The following MARCHF1 variants were observed in gnomAD, a reference collection of about 807,000 sequenced individuals.
MARCHF1 encodes E3 ubiquitin-protein ligase MARCHF1.
MARCHF1 carries 40 observed loss-of-function variants against 54.2 expected under a neutral mutation model. That is an observed-to-expected ratio of 0.74 (90% CI 0.57 to 0.96). MARCHF1 has a LOEUF of 0.96. Among genes scored for constraint, MARCHF1 ranks in the 40% least tolerant of loss-of-function variants. MARCHF1 has a pLI of 0.00. For missense variants in MARCHF1, 586 were observed against 656.5 expected (o/e 0.89, Z 1.17); for synonymous variants, 236 against 236.3 (o/e 1.00, Z 0.01).
At chr4:163,642,969 G>A (rs1742605894) in intron 5 of MARCHF1, among the ~76,000 whole-genome samples, 1 of 151,588 alleles carries the variant, frequency 6.6e-6, no homozygotes, top group African/African-American at 2.4e-5. Context: ...ATATGTGTAT[G>A]TGTGTGTGTA....
chr4:163,607,103 G>A (rs566283569), intron 7 of MARCHF1, among the ~76,000 whole-genome samples: 4 of 152,070 alleles, frequency 2.6e-5, no homozygotes, highest in Non-Finnish European at 5.9e-5. Context: ...GAGAGTGAGA[G>A]AACCACATTG....
rs3832318 is a variant in MARCHF1 at position 163,528,325 on chromosome 4, G to GTTA, written c.*420_*422dup. On this transcript the variant is annotated 3_prime_UTR_variant, in exon 10 of 10. Coordinates refer to ENST00000514618, the MANE Select transcript of MARCHF1 (RefSeq NM_001394959.1). ...TTCAGGCTTAAAACCAAATATGTTAGTTATTTCCAGATGAGACAGTTAACA... is the reference window on the plus strand; with the variant it reads ...TTCAGGCTTAAAACCAAATATGTTAGTTATTATTTCCAGATGAGACAGTTAACA... 87,467 of 156,614 alleles carry GTTA rather than the reference G, an allele frequency of 0.56. 25,190 individuals carry two copies. The highest frequency in any genetic ancestry group is 0.69 in the Admixed American group (10,925 of 15,742). The allele number at this position is 156,614 out of a possible 1,614,324, so 9.7% of individuals were successfully genotyped here.
In MARCHF1 at chr4:164,172,431, G is replaced by T. The variant is rs191670599; in HGVS notation, c.-322-60769C>A. 3.2e-3 allele frequency among the ~76,000 whole-genome samples: 487 copies of T among 151,986 alleles called. 1 individual carries two copies. Among genetic ancestry groups the T allele is most frequent in the African/African-American group, 0.011 (461 of 41,454 alleles). On this transcript the variant is annotated intron_variant, in intron 1 of 9. Transcript: ENST00000514618. The stretch of plus-strand genomic sequence containing the variant: ...TAGGGAAAGAATGAAGCCCCTAGAC[G>T]ATGTTATAAAATATTAAATTATAGA...
chr4:164,272,885 C>T (rs377010172), intron 1 of MARCHF1, among the ~76,000 whole-genome samples: 5 of 151,316 alleles, frequency 3.3e-5, no homozygotes, highest in East Asian at 1.9e-4. Context: ...AAAATTATAA[C>T]CTAGTTGAGT....
chr4:164,162,352 A>G (rs1730260360), intron 1 of MARCHF1, among the ~76,000 whole-genome samples: 1 of 152,172 alleles, frequency 6.6e-6, no homozygotes, highest in Non-Finnish European at 1.5e-5. Flanking sequence ...AGGCAGGTTA[A>G]GTGTCATAGA....
chr4:164,084,142 T>C (rs1015020434), intron 2 of MARCHF1, among the ~76,000 whole-genome samples: 1 of 151,962 alleles, frequency 6.6e-6, no homozygotes, highest in Non-Finnish European at 1.5e-5. Context: ...AACTAGGATA[T>C]TATAATAACT....
chr4:164,057,792 C>T (rs954032244), intron 2 of MARCHF1, among the ~76,000 whole-genome samples: 2 of 152,068 alleles, frequency 1.3e-5, no homozygotes, highest in Non-Finnish European at 2.9e-5. Context: ...AATAAGGCAC[C>T]ATAATTTTTG....
chr4:164,286,001 C>T (rs976596203), intron 1 of MARCHF1, among the ~76,000 whole-genome samples: 2 of 151,952 alleles, frequency 1.3e-5, no homozygotes, highest in African/African-American at 4.8e-5. Flanking sequence ...AAGGAGTAAG[C>T]ACATAGGTAA....
chr4:163,900,339 CTTTT>C (rs778800738), intron 3 of MARCHF1, among the ~76,000 whole-genome samples: 19 of 145,722 alleles, frequency 1.3e-4, no homozygotes, highest in African/African-American at 3.0e-4. Flanking sequence ...AGTATAGGTC[CTTTT>C]TTTTTTTTAA....
chr4:163,674,337 T>A (rs1021502463), intron 5 of MARCHF1, among the ~76,000 whole-genome samples: 2 of 151,986 alleles, frequency 1.3e-5, no homozygotes, highest in African/African-American at 4.8e-5. Context: ...ATACAAATTT[T>A]AAAAAAAGAA....
chr4:164,043,778 C>T (rs956479735), intron 2 of MARCHF1, among the ~76,000 whole-genome samples: 2 of 152,184 alleles, frequency 1.3e-5, no homozygotes, highest in Non-Finnish European at 2.9e-5. Context: ...CAATTTCAGA[C>T]CATTTCTTTC....
At chr4:163,587,287 G>A (rs145114627) in intron 7 of MARCHF1, among the ~76,000 whole-genome samples, 1 of 152,262 alleles carries the variant, frequency 6.6e-6, no homozygotes, top group Non-Finnish European at 1.5e-5. Flanking sequence ...CATTAGAAAT[G>A]TTGCTTTAAA....
At chr4:163,585,678 G>T (rs746704812) in intron 8 of MARCHF1, 71 bp downstream of exon 8, 1 of 1,260,970 alleles carries the variant, frequency 7.9e-7, no homozygotes, top group Non-Finnish European at 1.1e-6. Flanking sequence ...TATTGGCAAA[G>T]GAAATAGATT....
At chr4:163,659,649 A>G (rs1039750503) in intron 5 of MARCHF1, among the ~76,000 whole-genome samples, 2 of 152,002 alleles carry the variant, frequency 1.3e-5, no homozygotes, top group African/African-American at 2.4e-5. Context: ...TTTGCAATCT[A>G]CCCATCTGAC....
At chr4:164,363,422 A>G (rs4431170) in intron 1 of MARCHF1, among the ~76,000 whole-genome samples, 12,305 of 152,194 alleles carry the variant, frequency 0.081, 1,077 homozygotes, top group East Asian at 0.29. Flanking sequence ...ACTACTTCTT[A>G]TCTTTGTGAG....
intron 3 of MARCHF1, among the ~76,000 whole-genome samples, chr4:163,946,247 C>G (rs969174596): frequency 1.3e-5 from 2 of 152,042 alleles, no homozygotes; most frequent in Admixed American, 1.3e-4. Context: ...AGAGAGAGGG[C>G]TTTACACTCC....
At chr4:163,969,566 G>C (rs1011229686) in intron 3 of MARCHF1, among the ~76,000 whole-genome samples, 1 of 152,132 alleles carries the variant, frequency 6.6e-6, no homozygotes, top group African/African-American at 2.4e-5. Flanking sequence ...ATTTTTCTCA[G>C]ACGGTATGTT....
At chr4:163,710,003 A>C (rs916887151) in intron 4 of MARCHF1, among the ~76,000 whole-genome samples, 2 of 152,204 alleles carry the variant, frequency 1.3e-5, no homozygotes, top group African/African-American at 4.8e-5. Flanking sequence ...TAAATTTTGC[A>C]CTACGTAGAA....
chr4:163,942,965 G>A (rs373971226), intron 3 of MARCHF1, among the ~76,000 whole-genome samples: 1 of 151,314 alleles, frequency 6.6e-6, no homozygotes. Flanking sequence ...GGATACACTA[G>A]TTTTTTGTTG....
Sources: gnomAD v4.1 joint callset for allele counts (sites outside exome capture counted in the v4.1 genomes callset) on GRCh38, gnomAD v4.1.1 for gene constraint, MANE v1.5 for transcripts, NCBI Gene and HGNC (gene_info 2026-07-23, HGNC 2026-07-21) for gene names.